Variants in RBFOX1 observed in about 807,000 individuals in gnomAD.
RBFOX1 encodes RNA binding fox-1 homolog 1, also known as RNA binding protein fox-1 homolog 1.
A neutral mutation model predicts 57.7 loss-of-function variants in RBFOX1; 8 were observed. The observed-to-expected ratio is 0.14, with a 90% CI of 0.08 to 0.25. RBFOX1 has a LOEUF of 0.25. RBFOX1 is among the 10% of genes least tolerant of loss of function. The pLI, the probability that RBFOX1 is intolerant of heterozygous loss-of-function variation, is 1.00. For missense variants in RBFOX1, 611 were observed against 548.5 expected (o/e 1.11, Z -1.14); for synonymous variants, 326 against 222.4 (o/e 1.47, Z -4.15).
At chr16:7,509,649 G>A (rs2074451656) in intron 4 of RBFOX1, among the ~76,000 whole-genome samples, 1 of 152,104 alleles carries the variant, frequency 6.6e-6, no homozygotes, top group African/African-American at 2.4e-5. Context: ...TTTTAAGATC[G>A]ATTTGCAGTT....
At chr16:6,899,570 C>T (rs530952395) in intron 3 of RBFOX1, among the ~76,000 whole-genome samples, 19 of 152,326 alleles carry the variant, frequency 1.2e-4, no homozygotes, top group African/African-American at 4.6e-4. Flanking sequence ...CCATCTCTCA[C>T]CATCTGTGAG....
At chr16:6,696,672 C>A (rs1486221786) in intron 3 of RBFOX1, among the ~76,000 whole-genome samples, 1 of 137,090 alleles carries the variant, frequency 7.3e-6, no homozygotes, top group Non-Finnish European at 1.6e-5. Flanking sequence ...CAGATATGAA[C>A]AGTTTTATAT....
At chr16:5,378,116 C>T (rs1165698249) in intron 1 of RBFOX1, among the ~76,000 whole-genome samples, 2 of 151,526 alleles carry the variant, frequency 1.3e-5, no homozygotes, top group Admixed American at 6.5e-5. Context: ...GAATAAAAGG[C>T]AAATAAGTAG....
At chr16:5,501,758 G>C (rs2043205416) in intron 2 of RBFOX1, among the ~76,000 whole-genome samples, 1 of 152,164 alleles carries the variant, frequency 6.6e-6, no homozygotes, top group South Asian at 2.1e-4. Context: ...CTGTCACCCA[G>C]GCTGGAGTGT....
At chr16:7,229,652 AG>A in intron 4 of RBFOX1, among the ~76,000 whole-genome samples, 3 of 89,022 alleles carry the variant, frequency 3.4e-5, no homozygotes, top group Non-Finnish European at 5.0e-5. Context: ...AGGGAGAGAG[AG>A]GGAGGAAGGG....
At chr16:6,621,322 G>T (rs2098227597) in intron 2 of RBFOX1, among the ~76,000 whole-genome samples, 1 of 152,048 alleles carries the variant, frequency 6.6e-6, no homozygotes, top group Non-Finnish European at 1.5e-5. Flanking sequence ...AAATTAGCCA[G>T]GTGTGGTGGC....
intron 1 of RBFOX1, among the ~76,000 whole-genome samples, chr16:5,388,562 G>GTGT (rs912297108): frequency 6.6e-6 from 1 of 151,916 alleles, no homozygotes; most frequent in African/African-American, 2.4e-5. Flanking sequence ...GTGTGTTTCT[G>GTGT]TGTGTGTGTA....
chr16:6,691,427 C>G (rs1046721758), intron 3 of RBFOX1, among the ~76,000 whole-genome samples: 1 of 152,044 alleles, frequency 6.6e-6, no homozygotes, highest in Admixed American at 6.6e-5. Context: ...CCTATTAATT[C>G]TCCTTCCTCA....
intron 2 of RBFOX1, among the ~76,000 whole-genome samples, chr16:6,369,896 T>G (rs900444480): frequency 6.6e-6 from 1 of 152,196 alleles, no homozygotes; most frequent in Non-Finnish European, 1.5e-5. Context: ...ACAGTTTGTT[T>G]TCCAATTTCA....
At chr16:7,568,675 G>A (rs1370421217) in intron 5 of RBFOX1, among the ~76,000 whole-genome samples, 2 of 151,882 alleles carry the variant, frequency 1.3e-5, no homozygotes, top group Non-Finnish European at 2.9e-5. Context: ...CATGAGGTCA[G>A]GAGATCGAGA....
chr16:5,675,185 T>C (rs956957556), intron 3 of RBFOX1, among the ~76,000 whole-genome samples: 44 of 152,104 alleles, frequency 2.9e-4, no homozygotes, highest in African/African-American at 1.0e-3. Flanking sequence ...ATACACTGTA[T>C]ATATACATCC....
chr16:5,374,494 A>C (rs1357361370), intron 1 of RBFOX1, among the ~76,000 whole-genome samples: 1 of 152,130 alleles, frequency 6.6e-6, no homozygotes, highest in Non-Finnish European at 1.5e-5. Context: ...GATGGAGTGT[A>C]TATGGGAGCA....
At chr16:7,418,617 G>C (rs1025637749) in intron 4 of RBFOX1, among the ~76,000 whole-genome samples, 1 of 152,158 alleles carries the variant, frequency 6.6e-6, no homozygotes, top group Non-Finnish European at 1.5e-5. Flanking sequence ...ACTGTTCGTT[G>C]CCACAGAGTA....
At chr16:7,219,614 G>A (rs1435009496) in intron 4 of RBFOX1, among the ~76,000 whole-genome samples, 1 of 152,158 alleles carries the variant, frequency 6.6e-6, no homozygotes, top group Non-Finnish European at 1.5e-5. Flanking sequence ...AAGCGTGGCG[G>A]ATTTTTCACA....
At chr16:5,623,743 G>A (rs1039281153) in intron 3 of RBFOX1, among the ~76,000 whole-genome samples, 2 of 151,776 alleles carry the variant, frequency 1.3e-5, no homozygotes, top group Non-Finnish European at 1.5e-5. Flanking sequence ...TGTCTCTCCT[G>A]CTCTTTTTCT....
chr16:6,680,762 A>G (rs1390173108), intron 3 of RBFOX1, among the ~76,000 whole-genome samples: 1 of 152,224 alleles, frequency 6.6e-6, no homozygotes, highest in Non-Finnish European at 1.5e-5. Context: ...TGTAAGGCGG[A>G]AAGATGCTAG....
At position 7,369,458 on chromosome 16, in the gene RBFOX1, G is replaced by A. The variant is rs1415539875; in HGVS notation, c.28-148689G>A. 2.6e-5 allele frequency among the ~76,000 whole-genome samples: 4 copies of A among 151,996 alleles called. 1 individual carries two copies. Among genetic ancestry groups the A allele is most frequent in the Admixed American group, 2.0e-4 (3 of 15,258 alleles). On this transcript the variant is annotated intron_variant, in intron 4 of 15. Transcript: ENST00000550418. ...TGTTTGGATGGATATGTTCACGCAT[G>A]GAACCAAGATGAATAATAATGAGGT...
chr16:5,580,853 A>G (rs1258999982), intron 2 of RBFOX1, among the ~76,000 whole-genome samples: 2 of 152,180 alleles, frequency 1.3e-5, no homozygotes, highest in Non-Finnish European at 2.9e-5. Context: ...TAATGATCCC[A>G]TTCCTCAAAA....
At chr16:6,193,425 T>TATATATATATATATATA (rs1243693521) in intron 1 of RBFOX1, among the ~76,000 whole-genome samples, 1 of 106,500 alleles carries the variant, frequency 9.4e-6, no homozygotes, top group African/African-American at 3.2e-5. Context: ...TATATATATA[T>TATATATATATATATATA]AAAATTCAGT....
Sources: allele counts gnomAD v4.1 joint callset (sites outside exome capture counted in the v4.1 genomes callset), GRCh38; gene constraint gnomAD v4.1.1; transcripts MANE v1.5; gene names NCBI Gene and HGNC (gene_info 2026-07-23, HGNC 2026-07-21).